Variants in UBR1 observed in about 807,000 individuals in gnomAD.
The protein encoded by UBR1 is ubiquitin protein ligase E3 component n-recognin 1.
A neutral mutation model predicts 242.1 loss-of-function variants in UBR1; 102 were observed. That is an observed-to-expected ratio of 0.42 (90% CI 0.36 to 0.50). UBR1 has a LOEUF of 0.50. UBR1 is among the 20% of genes least tolerant of loss of function. The probability of loss-of-function intolerance (pLI) is 0.01; values close to 1 mark genes in which losing one functional copy is unlikely to be tolerated. For synonymous variants in UBR1, 675 were observed against 684.8 expected (o/e 0.99, Z 0.22); for missense variants, 1,772 against 2,101.8 (o/e 0.84, Z 3.07).
intron 32 of UBR1, among the ~76,000 whole-genome samples, chr15:43,002,044 G>A (rs549037309): frequency 6.7e-4 from 102 of 152,224 alleles, no homozygotes; most frequent in African/African-American, 2.4e-3. Context: ...TAACCACAAT[G>A]TAAAGATTTG....
chr15:43,016,375 T>G (rs999962563), intron 28 of UBR1, among the ~76,000 whole-genome samples: 2 of 152,190 alleles, frequency 1.3e-5, no homozygotes, highest in Admixed American at 1.3e-4. Context: ...ATAATATTAT[T>G]CTAATAATAC....
intron 11 of UBR1, among the ~76,000 whole-genome samples, chr15:43,055,701 G>A (rs574173581): frequency 5.3e-5 from 8 of 152,120 alleles, no homozygotes; most frequent in Non-Finnish European, 1.0e-4. Flanking sequence ...GATCACCTGA[G>A]GTCAGGAGTT....
intron 6 of UBR1, among the ~76,000 whole-genome samples, chr15:43,066,591 T>C (rs757273780): frequency 1.3e-5 from 2 of 151,844 alleles, no homozygotes; most frequent in Non-Finnish European, 2.9e-5. Flanking sequence ...TTCCCATCCA[T>C]GAAGATGGAA....
intron 6 of UBR1, among the ~76,000 whole-genome samples, chr15:43,060,713 A>G (rs567713723): frequency 2.0e-5 from 3 of 152,220 alleles, no homozygotes; most frequent in Non-Finnish European, 4.4e-5. Flanking sequence ...AAGAAGGTAT[A>G]CCACATTTTA....
intron 37 of UBR1, among the ~76,000 whole-genome samples, chr15:42,980,763 C>A (rs1317040816): frequency 6.6e-6 from 1 of 152,102 alleles, no homozygotes; most frequent in Non-Finnish European, 1.5e-5. Context: ...TGTGCACCAC[C>A]ACACCCGGCT....
chr15:42,957,408 GA>G (rs1345050880), intron 44 of UBR1, among the ~76,000 whole-genome samples: 1 of 152,104 alleles, frequency 6.6e-6, no homozygotes, highest in East Asian at 1.9e-4. Flanking sequence ...ACAAGGTGAC[GA>G]AAAAGTTTGC....
At position 43,038,153 on chromosome 15, in the gene UBR1, C is replaced by T. The variant is rs2033361878; in HGVS notation, c.1911+18G>A. 1.2e-6 allele frequency: 2 copies of T among 1,612,880 alleles called. No individual in the cohort carries two copies. The highest frequency in any genetic ancestry group is 8.5e-7 in the Non-Finnish European group (1 of 1,179,020). On this transcript the variant is annotated intron_variant, in intron 16 of 46. Coordinates refer to ENST00000290650, the MANE Select transcript of UBR1 (RefSeq NM_174916.3). ...GAAACAGAATATAAGCAAATCAATA[C>T]TTAGTAGAATCACTTACAAAAGACA...
At chr15:43,039,638 A>G (rs971542495) in intron 15 of UBR1, among the ~76,000 whole-genome samples, 1 of 152,142 alleles carries the variant, frequency 6.6e-6, no homozygotes, top group Non-Finnish European at 1.5e-5. Flanking sequence ...GGACACTTTG[A>G]CTTCCTCTTT....
chr15:42,986,373 C>T (rs1350851483), intron 35 of UBR1, among the ~76,000 whole-genome samples: 1 of 152,182 alleles, frequency 6.6e-6, no homozygotes, highest in African/African-American at 2.4e-5. Context: ...GATTATAGAA[C>T]CACATATGAA....
At chr15:43,061,009 T>C (rs2033677465) in intron 6 of UBR1, among the ~76,000 whole-genome samples, 1 of 150,850 alleles carries the variant, frequency 6.6e-6, no homozygotes, top group Non-Finnish European at 1.5e-5. Flanking sequence ...TGGACAAGAA[T>C]AGTTACATAA....
intron 25 of UBR1, among the ~76,000 whole-genome samples, chr15:43,024,109 T>G (rs1402484233): frequency 6.6e-6 from 1 of 152,224 alleles, no homozygotes; most frequent in African/African-American, 2.4e-5. Context: ...ATACTGGGAC[T>G]CAGGGAGAGA....
intron 10 of UBR1, among the ~76,000 whole-genome samples, chr15:43,058,131 A>C (rs2033640846): frequency 1.3e-5 from 2 of 152,036 alleles, no homozygotes; most frequent in Admixed American, 1.3e-4. Context: ...GCTGGTCTCG[A>C]GCTCCTGACT....
In UBR1 at chr15:43,017,041, T is replaced by A; in HGVS notation, c.3027+54A>T. On this transcript the variant is annotated intron_variant, in intron 28 of 46. Transcript: ENST00000290650. Reference sequence around the variant, plus strand: ...CAGTAGCTCCCTTATACCAGTAAAGTTCAAAGACAGAGATGAATGTCACCA... The same window carrying A: ...CAGTAGCTCCCTTATACCAGTAAAGATCAAAGACAGAGATGAATGTCACCA... 4 of 1,449,496 alleles carry A rather than the reference T, an allele frequency of 2.8e-6. No homozygotes were observed. The Admixed American group carries it at 6.8e-5, about 25-fold the overall frequency. The allele number at this position is 1,449,496 out of a possible 1,614,324, so 89.8% of individuals were successfully genotyped here. A position where few individuals can be genotyped will look rare whatever the true frequency, so the allele number is the denominator to read the frequency against.
rs1326453735 is a variant in UBR1, at chr15:43,032,646, AAG to A, written c.2191-17_2191-16del. The A allele has an allele frequency of 2.7e-6, 4 of 1,467,122 alleles. No homozygotes were observed. Among genetic ancestry groups the A allele is most frequent in the Admixed American group, 1.8e-5 (1 of 57,094 alleles). The allele number at this position is 1,467,122 out of a possible 1,614,324, so 90.9% of individuals were successfully genotyped here. Reference sequence around the variant, plus strand: ...TTAATCAAATCCTATAGAATCGAAAAAGAGTAAATTAGTTATGGAAGAACCAA... The same window carrying A: ...TTAATCAAATCCTATAGAATCGAAAAAGTAAATTAGTTATGGAAGAACCAA... On this transcript the variant is annotated splice_polypyrimidine_tract_variant and intron_variant, in intron 19 of 46. Coordinates refer to ENST00000290650, the MANE Select transcript of UBR1 (RefSeq NM_174916.3).
intron 29 of UBR1, chr15:43,011,909 A>G (rs1189383823): frequency 4.4e-6 from 2 of 453,624 alleles, no homozygotes; most frequent in African/African-American, 2.0e-5. Flanking sequence ...ACCACTATGC[A>G]GCAGTCATAA....
At chr15:42,971,448 T>A (rs2032206285) in intron 39 of UBR1, among the ~76,000 whole-genome samples, 1 of 152,240 alleles carries the variant, frequency 6.6e-6, no homozygotes, top group Non-Finnish European at 1.5e-5. Flanking sequence ...AAATATTGTA[T>A]TAAACTTGAT....
chr15:43,103,943 G>GAA (rs148768578), intron 1 of UBR1, among the ~76,000 whole-genome samples: 4,258 of 152,218 alleles, frequency 0.028, 180 homozygotes, highest in African/African-American at 0.096. Context: ...GAGAAAGAGA[G>GAA]AGGTAGAATG....
At chr15:43,055,809 G>A (rs560953976) in intron 11 of UBR1, among the ~76,000 whole-genome samples, 40 of 152,184 alleles carry the variant, frequency 2.6e-4, no homozygotes, top group African/African-American at 9.4e-4. Flanking sequence ...CAGCTACTTG[G>A]GTGGCTGAGG....
chr15:43,050,710 C>G (rs368929134), intron 12 of UBR1, among the ~76,000 whole-genome samples: 12 of 133,956 alleles, frequency 9.0e-5, no homozygotes, highest in Non-Finnish European at 1.8e-4. Flanking sequence ...GGCAACAGAG[C>G]GAGACTCCGT....
Sources: allele counts gnomAD v4.1 joint callset (sites outside exome capture counted in the v4.1 genomes callset), GRCh38; gene constraint gnomAD v4.1.1; transcripts MANE v1.5; gene names NCBI Gene and HGNC (gene_info 2026-07-23, HGNC 2026-07-21).